CNTNAP2: variants seen among roughly 807,000 people sequenced by gnomAD.
CNTNAP2 encodes contactin-associated protein-like 2.
A neutral mutation model predicts 155.2 loss-of-function variants in CNTNAP2; 98 were observed. That is an observed-to-expected ratio of 0.63 (90% CI 0.54 to 0.75). The LOEUF is 0.75. Among genes scored for constraint, CNTNAP2 ranks in the 30% least tolerant of loss-of-function variants. CNTNAP2 has a pLI of 0.00. For missense variants in CNTNAP2, 1,727 were observed against 1,688.1 expected, an observed-to-expected ratio of 1.02 and a Z score of -0.40; for synonymous variants, 651 against 631.2, an observed-to-expected ratio of 1.03 and a Z score of -0.47.
chr7:147,637,132 A>G (rs1475018389), intron 12 of CNTNAP2, among the ~76,000 whole-genome samples: 1 of 152,176 alleles, frequency 6.6e-6, no homozygotes, highest in Admixed American at 6.5e-5. Flanking sequence ...CTTGACTTCT[A>G]CTGGAACAAG....
chr7:146,669,357 G>T (rs1433932244), intron 1 of CNTNAP2, among the ~76,000 whole-genome samples: 2 of 152,088 alleles, frequency 1.3e-5, no homozygotes, highest in African/African-American at 2.4e-5. Context: ...TTTAATTTCA[G>T]ACTTCTTTAC....
At chr7:146,139,361 T>A (rs990281254) in intron 1 of CNTNAP2, among the ~76,000 whole-genome samples, 3 of 152,182 alleles carry the variant, frequency 2.0e-5, no homozygotes, top group Admixed American at 6.6e-5. Flanking sequence ...CAATCAGGTC[T>A]GTGGAGCTGT....
chr7:146,841,861 T>A (rs1803731534), intron 3 of CNTNAP2, among the ~76,000 whole-genome samples: 2 of 151,046 alleles, frequency 1.3e-5, no homozygotes, highest in African/African-American at 4.9e-5. Flanking sequence ...CTAAGGAGGA[T>A]AAAATTGTTC....
intron 12 of CNTNAP2, among the ~76,000 whole-genome samples, chr7:147,565,699 A>G (rs531218795): frequency 2.3e-4 from 35 of 152,348 alleles, no homozygotes; most frequent in African/African-American, 7.7e-4. Flanking sequence ...ACTTCTCAAC[A>G]TATGGACTGA....
intron 9 of CNTNAP2, among the ~76,000 whole-genome samples, chr7:147,311,706 GTT>G (rs34208128): frequency 0.021 from 3,160 of 151,608 alleles, 124 homozygotes; most frequent in African/African-American, 0.072. Flanking sequence ...AGAAGTTTGT[GTT>G]TTTTTTTCCC....
intron 15 of CNTNAP2, among the ~76,000 whole-genome samples, chr7:148,072,475 T>C (rs1164179863): frequency 1.3e-5 from 2 of 152,210 alleles, no homozygotes; most frequent in Non-Finnish European, 2.9e-5. Context: ...ACTAAAAACT[T>C]GAATTTCATG....
chr7:146,370,260 T>TAAAAAAAAA (rs34996621), intron 1 of CNTNAP2, among the ~76,000 whole-genome samples: 4 of 87,604 alleles, frequency 4.6e-5, no homozygotes, highest in African/African-American at 2.1e-4. Context: ...ATCTCTACTT[T>TAAAAAAAAA]AAAAAAAAAA....
At chr7:147,320,371 A>G (rs1030946588) in intron 9 of CNTNAP2, among the ~76,000 whole-genome samples, 2 of 152,154 alleles carry the variant, frequency 1.3e-5, no homozygotes, top group Admixed American at 1.3e-4. Flanking sequence ...CCTCAAATAA[A>G]AGGTGCAGGG....
At chr7:146,825,367 C>A (rs1319356837) in intron 2 of CNTNAP2, among the ~76,000 whole-genome samples, 1 of 152,026 alleles carries the variant, frequency 6.6e-6, no homozygotes, top group East Asian at 1.9e-4. Flanking sequence ...TCTTGCCATC[C>A]AGGAACTAGG....
At chr7:147,440,468 A>C (rs1029088608) in intron 10 of CNTNAP2, among the ~76,000 whole-genome samples, 35 of 152,134 alleles carry the variant, frequency 2.3e-4, no homozygotes, top group Non-Finnish European at 1.6e-4. Flanking sequence ...TGATTGGTTT[A>C]TCATTTAGTC....
At chr7:146,648,550 A>G (rs915480126) in intron 1 of CNTNAP2, among the ~76,000 whole-genome samples, 3 of 152,160 alleles carry the variant, frequency 2.0e-5, no homozygotes, top group Non-Finnish European at 2.9e-5. Flanking sequence ...TTATAAATGT[A>G]TGAAGATTTT....
At chr7:146,935,066 G>C (rs957310523) in intron 3 of CNTNAP2, among the ~76,000 whole-genome samples, 3 of 152,156 alleles carry the variant, frequency 2.0e-5, no homozygotes. Context: ...TCACAATTGA[G>C]AGGCGTCCCT....
intron 1 of CNTNAP2, among the ~76,000 whole-genome samples, chr7:146,459,924 C>T (rs937028771): frequency 1.3e-5 from 2 of 152,102 alleles, no homozygotes; most frequent in South Asian, 4.1e-4. Context: ...GAGCCAAGTT[C>T]AGGCCATTGC....
rs185759674 is a variant in CNTNAP2, at chr7:147,956,748, G to A, written c.2256-21114G>A. Among the ~76,000 whole-genome samples the A allele has an allele frequency of 1.5e-4, 23 of 152,294 alleles. No homozygotes were observed. In the East Asian group the frequency reaches 3.5e-3, roughly 23 times the overall value. On this transcript the variant is annotated intron_variant, in intron 14 of 23. Transcript: ENST00000361727. ...CAGACATAGATAGGTTTGGGGACAG[G>A]AAGAAGATTTAATTCTACTTAGATT...
At chr7:148,413,639 A>G (rs1416293515) in intron 23 of CNTNAP2, among the ~76,000 whole-genome samples, 1 of 151,528 alleles carries the variant, frequency 6.6e-6, no homozygotes, top group African/African-American at 2.4e-5. Context: ...TTTCTGTTCA[A>G]TTGTTCTATC....
intron 10 of CNTNAP2, among the ~76,000 whole-genome samples, chr7:147,429,756 C>T (rs1409250496): frequency 6.6e-6 from 1 of 151,998 alleles, no homozygotes; most frequent in African/African-American, 2.4e-5. Context: ...AGATGAGGAT[C>T]CAGTTTCATT....
At chr7:148,174,097 A>T (rs1158459630) in intron 18 of CNTNAP2, among the ~76,000 whole-genome samples, 2 of 152,208 alleles carry the variant, frequency 1.3e-5, no homozygotes, top group African/African-American at 2.4e-5. Flanking sequence ...CACAAAAGAC[A>T]TCTAAATATT....
intron 13 of CNTNAP2, among the ~76,000 whole-genome samples, chr7:147,763,400 C>T (rs74593268): frequency 0.021 from 3,146 of 149,322 alleles, 95 homozygotes; most frequent in African/African-American, 0.074. Flanking sequence ...AGGGAGAATA[C>T]GATACTTTAC....
intron 9 of CNTNAP2, among the ~76,000 whole-genome samples, chr7:147,368,125 C>G (rs1796275490): frequency 7.0e-6 from 1 of 142,552 alleles, no homozygotes; most frequent in Non-Finnish European, 1.5e-5. Flanking sequence ...CACACACACA[C>G]ACACACAAAT....
Sources: gnomAD v4.1 joint callset for allele counts (sites outside exome capture counted in the v4.1 genomes callset) on GRCh38, gnomAD v4.1.1 for gene constraint, MANE v1.5 for transcripts, NCBI Gene and HGNC (gene_info 2026-07-23, HGNC 2026-07-21) for gene names.